Variants in COL21A1 observed in about 807,000 individuals in gnomAD.
COL21A1 encodes collagen type XXI alpha 1 chain.
COL21A1 carries 149 observed loss-of-function variants against 137.9 expected under a neutral mutation model. The observed-to-expected ratio is 1.08, with a 90% confidence interval of 0.95 to 1.24. COL21A1 has a LOEUF of 1.24. Among genes scored for constraint, COL21A1 ranks in the 50% most tolerant of loss-of-function variants. The pLI, the probability that COL21A1 is intolerant of heterozygous loss-of-function variation, is 0.00. For synonymous variants in COL21A1, 456 were observed against 391.5 expected (o/e 1.16, Z -1.95); for missense variants, 1,167 against 1,158.4 (o/e 1.01, Z -0.11).
chr6:56,274,662 A>C (rs867293674), intron 1 of COL21A1, among the ~76,000 whole-genome samples: 18 of 152,142 alleles, frequency 1.2e-4, no homozygotes, highest in African/African-American at 4.1e-4. Context: ...TACAGTTAAC[A>C]ATAGGGGTGA....
chr6:56,195,221 G>C (rs1213583622), intron 1 of COL21A1, among the ~76,000 whole-genome samples: 1 of 152,096 alleles, frequency 6.6e-6, no homozygotes, highest in East Asian at 1.9e-4. Context: ...ACAAGCAACA[G>C]AAAACGTACT....
At chr6:56,270,026 G>A (rs1316949180) in intron 1 of COL21A1, among the ~76,000 whole-genome samples, 1 of 152,090 alleles carries the variant, frequency 6.6e-6, no homozygotes, top group Non-Finnish European at 1.5e-5. Flanking sequence ...ACACAATCAA[G>A]TCTACAAAAC....
At chr6:56,374,836 C>CA (rs1297491739) in intron 1 of COL21A1, among the ~76,000 whole-genome samples, 13 of 151,088 alleles carry the variant, frequency 8.6e-5, no homozygotes, top group Non-Finnish European at 1.6e-4. Flanking sequence ...TGCTTCTAAA[C>CA]AAAATCCCTC....
chr6:56,214,008 T>C (rs986354890), intron 1 of COL21A1, among the ~76,000 whole-genome samples: 3 of 152,068 alleles, frequency 2.0e-5, no homozygotes, highest in Non-Finnish European at 4.4e-5. Context: ...ATAGGAAAGA[T>C]TTTATGCTAT....
rs116470127 is a variant in COL21A1 at position 56,361,289 on chromosome 6, C to T, written c.-39+32682G>A. Among the ~76,000 whole-genome samples the T allele has an allele frequency of 4.4e-3, 677 of 152,282 alleles. 3 individuals are homozygous for T. Among genetic ancestry groups the T allele is most frequent in the Middle Eastern group, 0.014 (4 of 294 alleles). ...GCAGAGCCAGTGGGATGTCCGTCTC[C>T]TGAGTTTCTTCCATGTCATGCTCCG... On this transcript the variant is annotated intron_variant, in intron 1 of 28. Coordinates refer to the COL21A1 transcript ENST00000370819.
At chr6:56,156,169 A>C (rs981685801) in intron 10 of COL21A1, among the ~76,000 whole-genome samples, 16 of 152,324 alleles carry the variant, frequency 1.1e-4, no homozygotes, top group Admixed American at 4.6e-4. Context: ...TTCTAAAACC[A>C]GCCCTTCATG....
chr6:56,288,119 G>A (rs2152335057), intron 1 of COL21A1, among the ~76,000 whole-genome samples: 1 of 152,206 alleles, frequency 6.6e-6, no homozygotes, highest in East Asian at 1.9e-4. Flanking sequence ...TGTTGCAGCA[G>A]CAATAGGAAG....
At position 56,384,334 on chromosome 6, in the gene COL21A1, C is replaced by T. The variant is rs7746419; in HGVS notation, c.-39+9637G>A. On this transcript the variant is annotated intron_variant, in intron 1 of 28. Transcript: ENST00000370819. ...ACCATGCAATAGGGCATGGGTTTTC[C>T]TTCTCCCCTTTCATCTACTTCAAAT... 3.5e-3 allele frequency among the ~76,000 whole-genome samples: 528 copies of T among 152,308 alleles called. 4 individuals carry two copies. Among genetic ancestry groups the T allele is most frequent in the African/African-American group, 0.012 (481 of 41,568 alleles).
At chr6:56,358,961 T>C (rs940053016) in intron 1 of COL21A1, among the ~76,000 whole-genome samples, 4 of 152,178 alleles carry the variant, frequency 2.6e-5, no homozygotes, top group Non-Finnish European at 5.9e-5. Context: ...CAACAGATGT[T>C]TGGTTAAAGC....
At chr6:56,321,871 G>A (rs1764876913) in intron 1 of COL21A1, among the ~76,000 whole-genome samples, 1 of 152,126 alleles carries the variant, frequency 6.6e-6, no homozygotes, top group Admixed American at 6.6e-5. Flanking sequence ...AAGCAAATTG[G>A]AAAGGTGAAA....
In COL21A1 at chr6:56,276,938, G is replaced by C. The variant is rs560738998; in HGVS notation, c.-38-94282C>G. 7.9e-5 allele frequency: 29 copies of C among 367,044 alleles called. No individual in the cohort carries two copies. In the South Asian group the frequency reaches 1.1e-3, roughly 14 times the overall value. The allele number at this position is 367,044 out of a possible 1,614,324, so 22.7% of individuals were successfully genotyped here. ...TTCTACTGCCTCAGCCTCCCGAGTAGCTGGGACTACAGGCGCATGCCGCCA... is the reference window on the plus strand; with the variant it reads ...TTCTACTGCCTCAGCCTCCCGAGTACCTGGGACTACAGGCGCATGCCGCCA... On this transcript the variant is annotated intron_variant, in intron 1 of 28. Transcript: ENST00000370819.
At chr6:56,107,763 C>G (rs1771077293) in intron 16 of COL21A1, among the ~76,000 whole-genome samples, 1 of 152,078 alleles carries the variant, frequency 6.6e-6, no homozygotes, top group African/African-American at 2.4e-5. Flanking sequence ...ATTCACAAGC[C>G]CTTCCAAAGG....
intron 28 of COL21A1, 109 bp downstream of exon 28, chr6:56,059,909 A>AT (rs1393702570): frequency 7.0e-6 from 5 of 710,460 alleles, no homozygotes; most frequent in African/African-American, 1.9e-5. Context: ...GCATTTACAG[A>AT]TTTTTTTATC....
chr6:56,302,283 A>G (rs1764318503), intron 1 of COL21A1, among the ~76,000 whole-genome samples: 1 of 152,122 alleles, frequency 6.6e-6, no homozygotes, highest in African/African-American at 2.4e-5. Context: ...TTCTAGTTCT[A>G]GATCCCTGAG....
chr6:56,319,591 G>GC (rs914958865), intron 1 of COL21A1, among the ~76,000 whole-genome samples: 3 of 152,086 alleles, frequency 2.0e-5, no homozygotes, highest in African/African-American at 7.2e-5. Context: ...GCCTACCCTG[G>GC]CCCCCCAAAG....
chr6:56,106,864 G>C (rs1770962303), intron 16 of COL21A1, among the ~76,000 whole-genome samples: 3 of 151,980 alleles, frequency 2.0e-5, no homozygotes, highest in African/African-American at 7.2e-5. Context: ...TCGGCTCACT[G>C]CAAGCTCCGC....
intron 1 of COL21A1, among the ~76,000 whole-genome samples, chr6:56,374,372 C>G (rs1230995315): frequency 6.6e-6 from 1 of 152,264 alleles, no homozygotes; most frequent in East Asian, 1.9e-4. Flanking sequence ...TTTGCTAATT[C>G]TACCTCCCCA....
intron 1 of COL21A1, among the ~76,000 whole-genome samples, chr6:56,367,415 G>A (rs552297773): frequency 6.6e-6 from 1 of 152,316 alleles, no homozygotes; most frequent in Non-Finnish European, 1.5e-5. Context: ...AATGACCTGT[G>A]AAGGACAGTC....
rs74408278 is a variant in COL21A1 at position 56,319,222 on chromosome 6, A to C, written c.-39+74749T>G. On this transcript the variant is annotated intron_variant, in intron 1 of 28. Transcript: ENST00000370819. ...AGAGACATTTAGATAGTTGTTTGGC[A>C]GTGTGTTTAGTTATTTTGCATGCAG... Among the ~76,000 whole-genome samples, 1,414 of 152,178 alleles carry C rather than the reference A, an allele frequency of 9.3e-3. 27 individuals carry two copies. The highest frequency in any genetic ancestry group is 0.033 in the African/African-American group (1,360 of 41,524).
Sources: allele counts gnomAD v4.1 joint callset (sites outside exome capture counted in the v4.1 genomes callset), GRCh38; gene constraint gnomAD v4.1.1; transcripts MANE v1.5; gene names NCBI Gene and HGNC (gene_info 2026-07-23, HGNC 2026-07-21).